NBAS: variants seen among roughly 807,000 people sequenced by gnomAD.
The protein encoded by NBAS is NAG/BC035112 fusion.
NBAS carries 219 observed loss-of-function variants against 302.5 expected under a neutral mutation model. The observed-to-expected ratio is 0.72, with a 90% confidence interval of 0.65 to 0.81. The LOEUF is 0.81. Ranked by LOEUF, NBAS falls within the 30% of genes least tolerant of loss-of-function variation. NBAS has a pLI of 0.00. For synonymous variants in NBAS, 1,118 were observed against 1,021.6 expected (o/e 1.09, Z -1.80); for missense variants, 2,932 against 2,841.6 (o/e 1.03, Z -0.72).
the NBAS span, among the ~76,000 whole-genome samples, chr2:15,095,079 G>A: frequency 2.0e-5 from 3 of 152,168 alleles, no homozygotes; most frequent in Admixed American, 6.5e-5. Context: ...AATGGAGACA[G>A]CCTGGTGTGT....
At chr2:15,499,083 C>G (rs1287204790) in intron 11 of NBAS, among the ~76,000 whole-genome samples, 2 of 152,168 alleles carry the variant, frequency 1.3e-5, no homozygotes, top group East Asian at 3.9e-4. Context: ...TACGTGCCAC[C>G]ACACCCAGCT....
At chr2:14,881,338 C>A in the NBAS span, among the ~76,000 whole-genome samples, 16 of 152,116 alleles carry the variant, frequency 1.1e-4, no homozygotes, top group South Asian at 3.1e-3. Context: ...TCAATGGAAA[C>A]AACAGACACT....
chr2:14,959,085 G>A, the NBAS span, among the ~76,000 whole-genome samples: 2 of 152,250 alleles, frequency 1.3e-5, no homozygotes, highest in East Asian at 3.9e-4. Flanking sequence ...AAGCACTGGG[G>A]TGGGACTCAA....
intron 35 of NBAS, among the ~76,000 whole-genome samples, chr2:15,338,009 TAA>T (rs1672670591): frequency 6.6e-6 from 1 of 152,198 alleles, no homozygotes; most frequent in African/African-American, 2.4e-5. Flanking sequence ...CTCATTAATG[TAA>T]AGTGTGTTAC....
Position 15,179,345 on chromosome 2 carries a change from T to C in NBAS, c.6712-229A>G, listed in dbSNP as rs115101173. The C allele has an allele frequency of 7.9e-4, 446 of 565,474 alleles. 6 individuals carry two copies. Among genetic ancestry groups the C allele is most frequent in the African/African-American group, 4.3e-3 (229 of 53,184 alleles). The allele number at this position is 565,474 out of a possible 1,614,324, so 35.0% of individuals were successfully genotyped here. ...AGCTATCAGATATTCATCGACAATATTGCTTTTTAATGGCTTTGTAATGCT... is the reference window on the plus strand; with the variant it reads ...AGCTATCAGATATTCATCGACAATACTGCTTTTTAATGGCTTTGTAATGCT... On this transcript the variant is annotated intron_variant, in intron 50 of 51. Coordinates refer to ENST00000281513, the MANE Select transcript of NBAS (RefSeq NM_015909.4).
At chr2:15,467,439 AT>A in intron 18 of NBAS, 32 bp from the exon 19 acceptor site, 2 of 1,527,798 alleles carry the variant, frequency 1.3e-6, no homozygotes, top group Non-Finnish European at 1.8e-6. Context: ...GGCCACTTAT[AT>A]TTACACAGAA....
At chr2:15,235,333 A>G (rs1210015705) in intron 45 of NBAS, among the ~76,000 whole-genome samples, 1 of 152,226 alleles carries the variant, frequency 6.6e-6, no homozygotes, top group Non-Finnish European at 1.5e-5. Flanking sequence ...CTAAGATTAG[A>G]ACCCAAAAGT....
intron 50 of NBAS, among the ~76,000 whole-genome samples, chr2:15,186,091 C>T (rs903528524): frequency 3.5e-4 from 51 of 147,406 alleles, no homozygotes; most frequent in East Asian, 1.9e-3. Context: ...TATATACACA[C>T]ACACACACAC....
chr2:15,146,994 C>T, the NBAS span, among the ~76,000 whole-genome samples: 2 of 152,136 alleles, frequency 1.3e-5, no homozygotes, highest in African/African-American at 4.8e-5. Context: ...CTGTCTGTCC[C>T]TTCGGAAGGA....
chr2:15,045,044 A>G, the NBAS span, among the ~76,000 whole-genome samples: 1 of 152,246 alleles, frequency 6.6e-6, no homozygotes, highest in South Asian at 2.1e-4. Context: ...ACCAATTAGC[A>G]AAGACTGATC....
chr2:14,973,343 T>C, the NBAS span, among the ~76,000 whole-genome samples: 2 of 152,222 alleles, frequency 1.3e-5, no homozygotes, highest in Non-Finnish European at 2.9e-5. Flanking sequence ...AATTATGGTT[T>C]ATAAAATTCT....
chr2:15,533,685 T>C (rs1289056848), intron 9 of NBAS, among the ~76,000 whole-genome samples: 3 of 11,272 alleles, frequency 2.7e-4, no homozygotes, highest in South Asian at 1.8e-3. Context: ...TGTGCGTGTG[T>C]GTGTGTGTGT....
At chr2:15,384,625 A>G (rs1200689121) in intron 28 of NBAS, among the ~76,000 whole-genome samples, 1 of 151,534 alleles carries the variant, frequency 6.6e-6, no homozygotes, top group Non-Finnish European at 1.5e-5. Flanking sequence ...CACGTATATG[A>G]TTCTAATATT....
the NBAS span, among the ~76,000 whole-genome samples, chr2:14,779,704 C>T: frequency 6.6e-6 from 1 of 152,188 alleles, no homozygotes; most frequent in East Asian, 1.9e-4. Context: ...CTCCACAAAA[C>T]TTGCCTCCAC....
At chr2:14,900,312 G>T in the NBAS span, among the ~76,000 whole-genome samples, 3 of 152,030 alleles carry the variant, frequency 2.0e-5, no homozygotes, top group Non-Finnish European at 4.4e-5. Flanking sequence ...CAGAAAAAAG[G>T]CATGAATGAC....
At chr2:15,362,869 T>C (rs1490330012) in intron 32 of NBAS, among the ~76,000 whole-genome samples, 1 of 152,128 alleles carries the variant, frequency 6.6e-6, no homozygotes, top group Non-Finnish European at 1.5e-5. Context: ...TAGATAATCC[T>C]GGTGGGTCTG....
the NBAS span, among the ~76,000 whole-genome samples, chr2:14,942,715 AAGG>A: frequency 6.6e-6 from 1 of 152,224 alleles, no homozygotes; most frequent in Non-Finnish European, 1.5e-5. Context: ...CTATTGACAC[AAGG>A]AGAAGCCAAG....
At chr2:14,831,264 T>C in the NBAS span, among the ~76,000 whole-genome samples, 3 of 152,164 alleles carry the variant, frequency 2.0e-5, no homozygotes, top group Non-Finnish European at 4.4e-5. Flanking sequence ...TTTGAAATTA[T>C]ACAACATTTG....
chr2:14,800,913 T>G, the NBAS span, among the ~76,000 whole-genome samples: 1 of 152,062 alleles, frequency 6.6e-6, no homozygotes, highest in Non-Finnish European at 1.5e-5. Flanking sequence ...TTACCTTTAA[T>G]ATTTCTCATA....
Sources: gnomAD v4.1 joint callset for allele counts (sites outside exome capture counted in the v4.1 genomes callset) on GRCh38, gnomAD v4.1.1 for gene constraint, MANE v1.5 for transcripts, NCBI Gene and HGNC (gene_info 2026-07-23, HGNC 2026-07-21) for gene names.